EIF4A3: variants seen among roughly 807,000 people sequenced by gnomAD.
EIF4A3 encodes the protein eukaryotic initiation factor 4A-III.
EIF4A3 carries 1 observed loss-of-function variant against 55.6 expected under a neutral mutation model. The ratio of observed to expected loss-of-function variants is 0.02; its 90% CI spans 0.01 to 0.09. The LOEUF (loss-of-function observed/expected upper bound fraction) is 0.09. Ranked by LOEUF, EIF4A3 falls within the 10% of genes least tolerant of loss-of-function variation. The pLI, the probability that EIF4A3 is intolerant of heterozygous loss-of-function variation, is 1.00. For synonymous variants in EIF4A3, 194 were observed against 196.3 expected, an observed-to-expected ratio of 0.99 and a Z score of 0.10; for missense variants, 221 against 540.7, an observed-to-expected ratio of 0.41 and a Z score of 5.86.
At chr17:80,139,358 C>A in intron 6 of EIF4A3, 196 bp from the exon 7 acceptor site, 1 of 725,046 alleles carries the variant, frequency 1.4e-6, no homozygotes, top group Non-Finnish European at 2.2e-6. Flanking sequence ...GGAGTGTTAT[C>A]TGGTTGAGGG....
intron 2 of EIF4A3, among the ~76,000 whole-genome samples, chr17:80,142,868 G>A (rs1019513133): frequency 2.0e-5 from 3 of 151,936 alleles, no homozygotes; most frequent in African/African-American, 7.3e-5. Context: ...ACAAAACCCT[G>A]TCTCTACAGA....
Position 80,140,111 on chromosome 17 carries a change from A to G in EIF4A3, c.402T>C (p.Asn134=), listed in dbSNP as rs2039605191. ...CTCCAATGCAGGCATGGCACTGGAC[A>G]TTCATGTAGTCACCGAGAGCAAGCA... is the stretch of plus-strand genomic sequence containing the variant. The part of the protein sequence containing the change: ...KGLLALGDYM[N]VQCHACIGGT... Residue 134 remains asparagine, a synonymous_variant, in exon 5 of 12, where the codon AAT becomes AAC. Transcript: ENST00000649764. 3 of 1,609,606 alleles carry G rather than the reference A, an allele frequency of 1.9e-6. No individual in the cohort carries two copies. The highest frequency in any genetic ancestry group is 1.7e-6 in the Non-Finnish European group (2 of 1,177,454).
rs2039639441 is a variant in EIF4A3, at chr17:80,144,060, T to A, written c.242+112A>T. The A allele has an allele frequency of 4.1e-6, 4 of 987,412 alleles. No individual in the cohort carries two copies. The South Asian group carries it at 5.2e-5, about 13-fold the overall frequency. 61.2% of individuals were successfully genotyped at this position (987,412 alleles called of 1,614,324 possible). ...ACCCTGTGGCTAAAGTCAGGGAAAG[T>A]GTTGGAACTGAGCGTGTACAAGCTG... is the stretch of plus-strand genomic sequence containing the variant. On this transcript the variant is annotated intron_variant, in intron 2 of 11. Coordinates refer to ENST00000649764, the MANE Select transcript of EIF4A3 (RefSeq NM_014740.4).
rs763285271 is a variant in EIF4A3 at position 80,146,870 on chromosome 17, C to T, written c.92G>A (p.Ser31Asn). The T allele has an allele frequency of 6.2e-7, 1 of 1,611,634 alleles. No individual in the cohort carries two copies. The highest frequency in any genetic ancestry group is 1.7e-5 in the Admixed American group (1 of 59,978). ...EDMTKVEFETSEEVDVTPTFD... is the reference protein window; with the variant it reads ...EDMTKVEFETNEEVDVTPTFD... ...CGTGGGGGTCACATCCACCTCCTCG[C>T]TGGTCTCGAATTCCACTTTAGTCAT... Residue 31 changes from serine to asparagine, a missense_variant, in exon 1 of 12, where the codon AGC (serine) becomes AAC (asparagine). By Grantham distance (46) the Ser-to-Asn change is conservative. This residue lies in a region of EIF4A3 where 85 missense variants were observed against 205.8 expected (regional missense o/e 0.41). Transcript: ENST00000649764.
chr17:80,136,200 G>A, intron 10 of EIF4A3, 28 bp downstream of exon 10: 1 of 1,613,202 alleles, frequency 6.2e-7, no homozygotes, highest in Middle Eastern at 1.7e-4. Flanking sequence ...TGTCACAGAA[G>A]TGAAGCCAAT....
chr17:80,141,477 CA>C lies in EIF4A3; in HGVS notation c.310-97del, dbSNP rs2039618581. 3 of 1,202,260 alleles carry C rather than the reference CA, an allele frequency of 2.5e-6. No individual in the cohort carries two copies. The African/African-American group carries it at 4.5e-5, about 18-fold the overall frequency. 74.5% of individuals were successfully genotyped at this position (1,202,260 alleles called of 1,614,324 possible). On this transcript the variant is annotated intron_variant, in intron 3 of 11. Transcript: ENST00000649764. The stretch of plus-strand genomic sequence containing the variant: ...CAGATCTATATGAGAAATACTATCT[CA>C]TATTAATCATACTTCTCATCTCTTA...
At position 80,143,061 on chromosome 17, in the gene EIF4A3, T is replaced by A. The variant is rs574974397; in HGVS notation, c.242+1111A>T. ...AAAATTTAAATTTCAAATTTTTTTTTAAAAAGCATTATGGTATTATCCCAG... is the reference window on the plus strand; with the variant it reads ...AAAATTTAAATTTCAAATTTTTTTTAAAAAAGCATTATGGTATTATCCCAG... On this transcript the variant is annotated intron_variant, in intron 2 of 11. Coordinates refer to ENST00000649764, the MANE Select transcript of EIF4A3 (RefSeq NM_014740.4). 2.6e-3 allele frequency among the ~76,000 whole-genome samples: 397 copies of A among 152,218 alleles called. 1 individual carries two copies. The highest frequency in any genetic ancestry group is 8.4e-3 in the African/African-American group (351 of 41,542).
chr17:80,139,313 C>G, intron 6 of EIF4A3, 151 bp from the exon 7 acceptor site: 1 of 1,020,808 alleles, frequency 9.8e-7, no homozygotes, highest in South Asian at 1.7e-5. Flanking sequence ...CAGGCCACAT[C>G]CACGCGTTCT....
At chr17:80,136,167 T>C in intron 10 of EIF4A3, 36 bp from the exon 11 acceptor site, 1 of 1,613,706 alleles carries the variant, frequency 6.2e-7, no homozygotes, top group Non-Finnish European at 8.5e-7. Flanking sequence ...TTAGTATATA[T>C]AACAATCAAG....
At chr17:80,142,936 G>A (rs966699055) in intron 2 of EIF4A3, among the ~76,000 whole-genome samples, 9 of 152,182 alleles carry the variant, frequency 5.9e-5, no homozygotes, top group Admixed American at 2.6e-4. Context: ...CTACTTGGGA[G>A]GGTGAGGTGG....
rs774697502 is a variant in EIF4A3 at position 80,134,838 on chromosome 17, C to CA, written c.*651dup. On this transcript the variant is annotated 3_prime_UTR_variant, in exon 12 of 12. Transcript: ENST00000649764. The stretch of plus-strand genomic sequence containing the variant: ...AACTCATCAACGATGAAACTCTTTC[C>CA]AAAAAAAAAGATTAGAAAAGTGAGT... 8.0e-5 allele frequency among the ~76,000 whole-genome samples: 12 copies of CA among 149,698 alleles called. No homozygotes were observed. Among genetic ancestry groups the CA allele is most frequent in the South Asian group, 6.4e-4 (3 of 4,710 alleles).
Position 80,146,939 on chromosome 17 carries a change from G to A in EIF4A3, c.23C>T (p.Ala8Val), listed in dbSNP as rs749598271. The part of the protein sequence containing the change: MATTATM[A>V]TSGSARKRLL... ...CCGCTTTCGCGCCGAGCCCGAGGTC[G>A]CCATCGTGGCCGTGGTCGCCATGAT... The change falls in exon 1 of 12, where the codon GCG becomes GTG. Residue 8 changes from alanine to valine, a missense_variant. Ala to Val is a moderately conservative substitution (Grantham distance 64). This residue lies in a region of EIF4A3 where 43 missense variants were observed against 39.1 expected (regional missense o/e 1.10). Transcript: ENST00000649764. 1.2e-6 allele frequency: 2 copies of A among 1,607,336 alleles called. No homozygotes were observed. Among genetic ancestry groups the A allele is most frequent in the Admixed American group, 1.7e-5 (1 of 59,834 alleles).
chr17:80,139,198 GGGC>G (rs1312835211), intron 6 of EIF4A3, 36 bp from the exon 7 acceptor site: 2 of 1,609,606 alleles, frequency 1.2e-6, no homozygotes, highest in East Asian at 4.5e-5. Flanking sequence ...GGGATGTTTA[GGGC>G]GGCACACCCA....
rs2144010264 is a variant in EIF4A3, at chr17:80,147,127, G to GTGCCGCTGCCGACCTCGCTA, written c.-167_-166insTAGCGAGGTCGGCAGCGGCA. 1 of 987,874 alleles carries GTGCCGCTGCCGACCTCGCTA rather than the reference G, an allele frequency of 1.0e-6. No homozygotes were observed. Among genetic ancestry groups the GTGCCGCTGCCGACCTCGCTA allele is most frequent in the Non-Finnish European group, 1.4e-6 (1 of 732,892 alleles). 61.2% of individuals were successfully genotyped at this position (987,874 alleles called of 1,614,324 possible). On this transcript the variant is annotated 5_prime_UTR_variant, in exon 1 of 12. Transcript: ENST00000649764. The stretch of plus-strand genomic sequence containing the variant: ...TCGCTGTGCCGCTGCCGACCTCGCT[G>GTGCCGCTGCCGACCTCGCTA]TGCCGCTGCCGAGAACAGACGCCTT...
Position 80,135,940 on chromosome 17 carries a change from G to C in EIF4A3, c.1219+64C>G, listed in dbSNP as rs1598602891. ...CACAACAACAAAAAAACAAACTCAGGTGCCCCAAACTAAGAATAGGGAAGT... is the reference window on the plus strand; with the variant it reads ...CACAACAACAAAAAAACAAACTCAGCTGCCCCAAACTAAGAATAGGGAAGT... On this transcript the variant is annotated intron_variant, in intron 11 of 11. Coordinates refer to ENST00000649764, the MANE Select transcript of EIF4A3 (RefSeq NM_014740.4). 1.9e-6 allele frequency: 3 copies of C among 1,558,676 alleles called. No homozygotes were observed. The East Asian group carries it at 6.8e-5, about 35-fold the overall frequency.
In EIF4A3 at chr17:80,134,559, C is replaced by T. The variant is rs1250618211; in HGVS notation, c.*931G>A. 6.6e-6 allele frequency among the ~76,000 whole-genome samples: 1 copy of T among 151,728 alleles called. No homozygotes were observed. The highest frequency in any genetic ancestry group is 1.5e-5 in the Non-Finnish European group (1 of 67,956). ...AAAAATGAGGCCAGGCATGGTGGCTCACACCTGTTATCCCAGCACTTTGTA... is the reference window on the plus strand; with the variant it reads ...AAAAATGAGGCCAGGCATGGTGGCTTACACCTGTTATCCCAGCACTTTGTA... On this transcript the variant is annotated 3_prime_UTR_variant, in exon 12 of 12. Coordinates refer to ENST00000649764, the MANE Select transcript of EIF4A3 (RefSeq NM_014740.4).
chr17:80,141,643 A>C (rs762637263), intron 3 of EIF4A3, 139 bp downstream of exon 3: 8 of 823,028 alleles, frequency 9.7e-6, no homozygotes, highest in Non-Finnish European at 9.5e-6. Context: ...GTGTACAACT[A>C]AGACTCTGTG....
Position 80,140,099 on chromosome 17 carries a change from A to G in EIF4A3, c.414T>C (p.His138=), listed in dbSNP as rs937683434. ...CAACATTGGTGCCTCCAATGCAGGC[A>G]TGGCACTGGACATTCATGTAGTCAC... ...ALGDYMNVQC[H]ACIGGTNVGE... The change falls in exon 5 of 12, where the codon CAT becomes CAC. Residue 138 remains histidine (H), a synonymous_variant. Coordinates refer to ENST00000649764, the MANE Select transcript of EIF4A3 (RefSeq NM_014740.4). 3.1e-6 allele frequency: 5 copies of G among 1,613,898 alleles called. No homozygotes were observed.
rs990378760 is a variant in EIF4A3, at chr17:80,135,201, C to G, written c.*289G>C. 1 of 353,040 alleles carries G rather than the reference C, an allele frequency of 2.8e-6. No homozygotes were observed. Among genetic ancestry groups the G allele is most frequent in the Non-Finnish European group, 5.1e-6 (1 of 197,076 alleles). 21.9% of individuals were successfully genotyped at this position (353,040 alleles called of 1,614,324 possible). A position where few individuals can be genotyped will look rare whatever the true frequency, so the allele number is the denominator to read the frequency against. On this transcript the variant is annotated 3_prime_UTR_variant, in exon 12 of 12. Coordinates refer to ENST00000649764, the MANE Select transcript of EIF4A3 (RefSeq NM_014740.4). ...AAAAAGAAAAGTGAGTGAAATGACC[C>G]AAGACTACACAGTAAGTTACTAGAG...
Sources: allele counts gnomAD v4.1 joint callset (sites outside exome capture counted in the v4.1 genomes callset), GRCh38; gene constraint gnomAD v4.1.1; regional missense constraint gnomAD v4.1.1; transcripts MANE v1.5; gene names NCBI Gene and HGNC (gene_info 2026-07-23, HGNC 2026-07-21).